The following GCH1 variants were observed in gnomAD, a reference collection of about 807,000 sequenced individuals.
GCH1 encodes the protein GTP cyclohydrolase I.
GCH1 carries 5 observed loss-of-function variants against 25.9 expected under a neutral mutation model. That is an observed-to-expected ratio of 0.19 (90% CI 0.10 to 0.41). The LOEUF (loss-of-function observed/expected upper bound fraction) is 0.41. GCH1 is among the 10% of genes least tolerant of loss of function. The pLI is 1.00. For synonymous variants in GCH1, 159 were observed against 129.6 expected, an observed-to-expected ratio of 1.23 and a Z score of -1.54; for missense variants, 261 against 336.5, an observed-to-expected ratio of 0.78 and a Z score of 1.75.
At chr14:54,844,846 GAAATCAAGAGAAGACATA>G (rs762949605) in intron 5 of GCH1, among the ~76,000 whole-genome samples, 32 of 152,312 alleles carry the variant, frequency 2.1e-4, no homozygotes, top group Non-Finnish European at 4.1e-4. Flanking sequence ...AGCTAAAGAA[GAAATCAAGAGAAGACATA>G]AAATCAAGAG....
chr14:54,876,592 A>C (rs749043335), intron 1 of GCH1, among the ~76,000 whole-genome samples: 1 of 152,042 alleles, frequency 6.6e-6, no homozygotes, highest in Non-Finnish European at 1.5e-5. Flanking sequence ...CCAGGATAGG[A>C]GTTTGAGGCT....
intron 2 of GCH1, 114 bp from the exon 3 acceptor site, chr14:54,859,850 A>G: frequency 1.4e-6 from 1 of 711,240 alleles, no homozygotes; most frequent in Non-Finnish European, 2.6e-6. Context: ...TATCACGACA[A>G]TGTATTACCT....
At chr14:54,867,241 C>T (rs1051511212) in intron 1 of GCH1, among the ~76,000 whole-genome samples, 4 of 152,268 alleles carry the variant, frequency 2.6e-5, no homozygotes, top group African/African-American at 7.2e-5. Context: ...TAAGCTCTGA[C>T]GACAACCATA....
chr14:54,868,307 T>C (rs951891822), intron 1 of GCH1, among the ~76,000 whole-genome samples: 1 of 152,020 alleles, frequency 6.6e-6, no homozygotes, highest in Admixed American at 6.6e-5. Flanking sequence ...GTCATAGCTA[T>C]TCAGGAGGCT....
intron 2 of GCH1, among the ~76,000 whole-genome samples, chr14:54,861,294 A>G (rs2039892884): frequency 6.6e-6 from 1 of 152,372 alleles, no homozygotes; most frequent in Non-Finnish European, 1.5e-5. Context: ...GATTTCAAAG[A>G]AAAATTAGAG....
At chr14:54,889,268 A>C (rs936930410) in intron 1 of GCH1, among the ~76,000 whole-genome samples, 6 of 152,214 alleles carry the variant, frequency 3.9e-5, no homozygotes, top group African/African-American at 1.4e-4. Context: ...CACTGAGTTA[A>C]GGCCTCTCAT....
At chr14:54,897,991 A>G (rs1160089208) in intron 1 of GCH1, among the ~76,000 whole-genome samples, 1 of 152,238 alleles carries the variant, frequency 6.6e-6, no homozygotes, top group African/African-American at 2.4e-5. Context: ...CCTAGGCTAC[A>G]CGGTAGAGCC....
chr14:54,842,926 T>C lies in GCH1; in HGVS notation c.*1091A>G, dbSNP rs1261059169. ...ACAAAGGAAACCGGGACCAGAAGCT[T>C]CCAGTGCATTTTCACAGATCGTTGG... On this transcript the variant is annotated 3_prime_UTR_variant, in exon 6 of 6. Transcript: ENST00000491895. 1.6e-6 allele frequency: 1 copy of C among 637,286 alleles called. No homozygotes were observed. The highest frequency in any genetic ancestry group is 2.9e-6 in the Non-Finnish European group (1 of 349,096). The allele number at this position is 637,286 out of a possible 1,614,324, so 39.5% of individuals were successfully genotyped here. A position where few individuals can be genotyped will look rare whatever the true frequency, so the allele number is the denominator to read the frequency against.
chr14:54,902,183 G>T, intron 1 of GCH1, 138 bp downstream of exon 1: 1 of 912,554 alleles, frequency 1.1e-6, no homozygotes, highest in Non-Finnish European at 1.7e-6. Flanking sequence ...GCAGGCTAGG[G>T]CGGGTTCGGA....
At chr14:54,882,164 A>C (rs2040281838) in intron 1 of GCH1, among the ~76,000 whole-genome samples, 1 of 152,262 alleles carries the variant, frequency 6.6e-6, no homozygotes, top group Non-Finnish European at 1.5e-5. Flanking sequence ...ACAGTGGTTC[A>C]AGATGTAGAA....
chr14:54,880,435 TATATATATACTCCATATAA>T (rs1251777508), intron 1 of GCH1, among the ~76,000 whole-genome samples: 2 of 132,964 alleles, frequency 1.5e-5, no homozygotes, highest in Non-Finnish European at 3.1e-5. Context: ...ATACTCCATA[TATATATATACTCCATATAA>T]ATATATACTC....
chr14:54,866,187 G>C (rs924934624), intron 1 of GCH1, among the ~76,000 whole-genome samples: 1 of 151,694 alleles, frequency 6.6e-6, no homozygotes, highest in African/African-American at 2.4e-5. Flanking sequence ...CAAAAGAAAA[G>C]ATTAATCAGA....
intron 1 of GCH1, among the ~76,000 whole-genome samples, chr14:54,875,414 C>T (rs1410831808): frequency 2.6e-5 from 4 of 152,144 alleles, no homozygotes; most frequent in Non-Finnish European, 4.4e-5. Context: ...TAGGCATGGG[C>T]AAGGACTTCA....
At position 54,871,889 on chromosome 14, in the gene GCH1, A is replaced by G. The variant is rs190476722; in HGVS notation, c.344-6453T>C. 8.3e-4 allele frequency among the ~76,000 whole-genome samples: 126 copies of G among 152,342 alleles called. 2 individuals carry two copies. The East Asian group carries it at 0.013, about 16-fold the overall frequency. ...TATCTGATTGGTGTACCTGAAAGTG[A>G]CAGGGAGAATGGAACCAAGTTGGAA... On this transcript the variant is annotated intron_variant, in intron 1 of 5. Transcript: ENST00000491895.
rs988395114 is a variant in GCH1, at chr14:54,845,787, C to T, written c.607G>A (p.Gly203Arg). The change falls in exon 5 of 6, where the codon GGG becomes AGG. Residue 203 changes from glycine to arginine, a missense_variant. Physicochemically the swap from Gly to Arg is moderately radical, Grantham distance 125. Coordinates refer to ENST00000491895, the MANE Select transcript of GCH1 (RefSeq NM_000161.3). ...ACTTACGTTGCTTCAACCACTACCC[C>T]GACTCCAGCAGGCCGCAAGGCTTCC... ...ITEALRPAGV[G>R]VVVEATHMCM... The T allele has an allele frequency of 6.2e-7, 1 of 1,604,290 alleles. No homozygotes were observed. Among genetic ancestry groups the T allele is most frequent in the Non-Finnish European group, 8.5e-7 (1 of 1,170,992 alleles).
chr14:54,885,334 A>G (rs767702641), intron 1 of GCH1: 1 of 251,808 alleles, frequency 4.0e-6, no homozygotes, highest in Non-Finnish European at 8.2e-6. Context: ...GAACCAGTCA[A>G]GATCCACATT....
intron 1 of GCH1, among the ~76,000 whole-genome samples, chr14:54,881,728 G>C (rs1230876638): frequency 6.6e-6 from 1 of 152,196 alleles, no homozygotes; most frequent in Non-Finnish European, 1.5e-5. Context: ...TTGTCAGCAG[G>C]AAAGACCTAA....
chr14:54,862,483 A>G (rs2039915430), intron 2 of GCH1, among the ~76,000 whole-genome samples: 1 of 148,960 alleles, frequency 6.7e-6, no homozygotes, highest in African/African-American at 2.5e-5. Flanking sequence ...CCTGGGTTCA[A>G]GCGATTCTCC....
chr14:54,900,845 TCACACACACACACACACACACACACACA>T (rs3221690), intron 1 of GCH1, among the ~76,000 whole-genome samples: 2 of 144,634 alleles, frequency 1.4e-5, no homozygotes, highest in Admixed American at 7.0e-5. Context: ...GTGAAATATC[TCACACACACACACACACACACACACACA>T]CACACACACA....
Sources: gnomAD v4.1 joint callset for allele counts (sites outside exome capture counted in the v4.1 genomes callset) on GRCh38, gnomAD v4.1.1 for gene constraint, MANE v1.5 for transcripts, NCBI Gene and HGNC (gene_info 2026-07-23, HGNC 2026-07-21) for gene names.